Variants in MTUS2 observed in about 807,000 individuals in gnomAD.
MTUS2 encodes the protein microtubule-associated tumor suppressor candidate 2.
A neutral mutation model predicts 114.1 loss-of-function variants in MTUS2; 40 were observed. The observed-to-expected ratio is 0.35, with a 90% CI of 0.27 to 0.46. The LOEUF is 0.46. Among genes scored for constraint, MTUS2 ranks in the 20% least tolerant of loss-of-function variants. MTUS2 has a pLI of 1.00. For synonymous variants in MTUS2, 688 were observed against 672.0 expected (o/e 1.02, Z -0.37); for missense variants, 1,679 against 1,705.4 (o/e 0.98, Z 0.27).
At chr13:29,464,374 C>T (rs1879739378) in intron 9 of MTUS2, among the ~76,000 whole-genome samples, 1 of 152,240 alleles carries the variant, frequency 6.6e-6, no homozygotes, top group African/African-American at 2.4e-5. Flanking sequence ...GGGGCTTAAG[C>T]CAGGGAGAGA....
chr13:28,880,711 A>C (rs1262900639), intron 2 of MTUS2, among the ~76,000 whole-genome samples: 1 of 152,192 alleles, frequency 6.6e-6, no homozygotes, highest in Non-Finnish European at 1.5e-5. Context: ...TTTTCCATGT[A>C]CATATTATTT....
chr13:28,891,913 T>G, intron 2 of MTUS2, among the ~76,000 whole-genome samples: 2 of 149,234 alleles, frequency 1.3e-5, no homozygotes. Context: ...ACCTTATCTC[T>G]AGGCTTTTCC....
At chr13:29,396,198 C>A (rs1403483278) in intron 8 of MTUS2, among the ~76,000 whole-genome samples, 1 of 152,220 alleles carries the variant, frequency 6.6e-6, no homozygotes, top group Non-Finnish European at 1.5e-5. Flanking sequence ...TAATCATCTT[C>A]TAATCCAAAA....
chr13:29,137,474 G>A (rs1316572630), intron 5 of MTUS2, among the ~76,000 whole-genome samples: 1 of 151,964 alleles, frequency 6.6e-6, no homozygotes, highest in Non-Finnish European at 1.5e-5. Flanking sequence ...GACTACCGCA[G>A]TGTATTGCTG....
intron 2 of MTUS2, among the ~76,000 whole-genome samples, chr13:28,935,978 C>G (rs1881882451): frequency 6.6e-6 from 1 of 152,080 alleles, no homozygotes; most frequent in Admixed American, 6.6e-5. Flanking sequence ...AACTCCTGGC[C>G]TTAAGTGATC....
chr13:29,300,876 C>T lies in MTUS2; in HGVS notation c.2806+19011C>T, dbSNP rs145325659. 1.5e-3 allele frequency among the ~76,000 whole-genome samples: 229 copies of T among 152,192 alleles called. 1 individual carries two copies. The highest frequency in any genetic ancestry group is 5.3e-3 in the African/African-American group (219 of 41,514). On this transcript the variant is annotated intron_variant, in intron 6 of 15. Transcript: ENST00000612955. ...CCACTATAAAAAAATTAAGACTGAGCGGCTTATAAACAACGAACATTTATT... is the reference window on the plus strand; with the variant it reads ...CCACTATAAAAAAATTAAGACTGAGTGGCTTATAAACAACGAACATTTATT...
Position 29,353,579 on chromosome 13 carries a change from G to A in MTUS2, c.2906-5683G>A, listed in dbSNP as rs144025569. Reference sequence around the variant, plus strand: ...GCCTCCCAAAGTGCTGGGATTACAGGCATGAGCCACCATGTCTAGCCCCCA... The same window carrying A: ...GCCTCCCAAAGTGCTGGGATTACAGACATGAGCCACCATGTCTAGCCCCCA... On this transcript the variant is annotated intron_variant, in intron 7 of 15. Transcript: ENST00000612955. 4.2e-4 allele frequency among the ~76,000 whole-genome samples: 64 copies of A among 152,274 alleles called. 1 individual carries two copies. Among genetic ancestry groups the A allele is most frequent in the African/African-American group, 1.5e-3 (62 of 41,564 alleles).
At chr13:29,038,363 A>G (rs1031102389) in intron 4 of MTUS2, among the ~76,000 whole-genome samples, 3 of 152,236 alleles carry the variant, frequency 2.0e-5, no homozygotes, top group African/African-American at 7.2e-5. Context: ...GGGTATCACC[A>G]GTGGAGGCAG....
chr13:28,952,166 G>T (rs1164312411), intron 2 of MTUS2, among the ~76,000 whole-genome samples: 15 of 152,080 alleles, frequency 9.9e-5, no homozygotes, highest in Admixed American at 9.8e-4. Flanking sequence ...ATATATATTT[G>T]CTTTACTAAG....
In MTUS2 at chr13:29,353,320, C is replaced by G. The variant is rs187879543; in HGVS notation, c.2906-5942C>G. Reference sequence around the variant, plus strand: ...AAGTAACTAGGACTACAGGCACATGCCACCACACTTGGCTAATTTTTTAAG... The same window carrying G: ...AAGTAACTAGGACTACAGGCACATGGCACCACACTTGGCTAATTTTTTAAG... On this transcript the variant is annotated intron_variant, in intron 7 of 15. Coordinates refer to ENST00000612955, the MANE Select transcript of MTUS2 (RefSeq NM_001033602.4). 5.0e-4 allele frequency among the ~76,000 whole-genome samples: 76 copies of G among 152,290 alleles called. 1 individual carries two copies. The East Asian group carries it at 0.012, about 23-fold the overall frequency.
At chr13:29,303,120 A>C (rs972237325) in intron 6 of MTUS2, among the ~76,000 whole-genome samples, 2 of 152,224 alleles carry the variant, frequency 1.3e-5, no homozygotes, top group South Asian at 2.1e-4. Flanking sequence ...CAACATCAAC[A>C]AAAAAGACCC....
chr13:29,247,491 C>T (rs1224191623), intron 5 of MTUS2, among the ~76,000 whole-genome samples: 6 of 152,150 alleles, frequency 3.9e-5, no homozygotes, highest in Non-Finnish European at 7.4e-5. Flanking sequence ...CGGAGAAAAT[C>T]TTTGCAAACT....
chr13:29,143,656 G>A (rs1358202815), intron 5 of MTUS2, among the ~76,000 whole-genome samples: 1 of 152,190 alleles, frequency 6.6e-6, no homozygotes, highest in Non-Finnish European at 1.5e-5. Flanking sequence ...GGGTGCCTCA[G>A]GAATTGGTGC....
chr13:28,934,634 C>T (rs1881794481), intron 2 of MTUS2, among the ~76,000 whole-genome samples: 1 of 152,146 alleles, frequency 6.6e-6, no homozygotes, highest in African/African-American at 2.4e-5. Context: ...AGCGATTCTC[C>T]TGCCTCAGCC....
intron 1 of MTUS2, among the ~76,000 whole-genome samples, chr13:28,834,008 TAAAAG>T (rs1176998404): frequency 6.6e-6 from 1 of 151,800 alleles, no homozygotes; most frequent in Non-Finnish European, 1.5e-5. Flanking sequence ...AAAACGTTGT[TAAAAG>T]AAATTAAAGA....
At chr13:29,315,518 A>G (rs1299946378) in intron 6 of MTUS2, among the ~76,000 whole-genome samples, 1 of 152,178 alleles carries the variant, frequency 6.6e-6, no homozygotes, top group African/African-American at 2.4e-5. Context: ...GAAAAAATGG[A>G]AGAATTAATT....
At position 29,396,748 on chromosome 13, in the gene MTUS2, T is replaced by C. The variant is rs3125717; in HGVS notation, c.3117+37275T>C. On this transcript the variant is annotated intron_variant, in intron 8 of 15. Coordinates refer to ENST00000612955, the MANE Select transcript of MTUS2 (RefSeq NM_001033602.4). Reference sequence around the variant, plus strand: ...AGTAACAAGGGAGCAAAACAAGGTTTTCATCCTTGTTCAGCCCACTGTGAG... The same window carrying C: ...AGTAACAAGGGAGCAAAACAAGGTTCTCATCCTTGTTCAGCCCACTGTGAG... Among the ~76,000 whole-genome samples, 640 of 152,326 alleles carry C rather than the reference T, an allele frequency of 4.2e-3. 3 individuals carry two copies. The highest frequency in any genetic ancestry group is 0.015 in the African/African-American group (603 of 41,552).
intron 2 of MTUS2, among the ~76,000 whole-genome samples, chr13:29,017,036 A>G (rs1305587492): frequency 6.6e-6 from 1 of 152,234 alleles, no homozygotes; most frequent in Non-Finnish European, 1.5e-5. Context: ...CTAAGTAATT[A>G]TAACTGCAGA....
At chr13:29,501,251 G>T in intron 15 of MTUS2, 57 bp downstream of exon 15, 1 of 1,326,348 alleles carries the variant, frequency 7.5e-7, no homozygotes, top group Non-Finnish European at 1.1e-6. Flanking sequence ...TCTTTTTGTT[G>T]CAACATCCAG....
Sources: allele counts gnomAD v4.1 joint callset (sites outside exome capture counted in the v4.1 genomes callset), GRCh38; gene constraint gnomAD v4.1.1; transcripts MANE v1.5; gene names NCBI Gene and HGNC (gene_info 2026-07-23, HGNC 2026-07-21).